Variants in A1BG observed in about 807,000 individuals in gnomAD.
The protein encoded by A1BG is alpha-1-B glycoprotein.
A1BG carries 44 observed loss-of-function variants against 46.0 expected under a neutral mutation model. The observed-to-expected ratio is 0.96, with a 90% CI of 0.75 to 1.23. The LOEUF (loss-of-function observed/expected upper bound fraction) is 1.23. Among genes scored for constraint, A1BG ranks in the 50% most tolerant of loss-of-function variants. The pLI, the probability that A1BG is intolerant of heterozygous loss-of-function variation, is 0.00. For synonymous variants in A1BG, 316 were observed against 314.7 expected, an observed-to-expected ratio of 1.00 and a Z score of -0.04; for missense variants, 707 against 688.8, an observed-to-expected ratio of 1.03 and a Z score of -0.30.
chr19:58,347,177 T>G (rs1206548394), intron 7 of A1BG, 148 bp from the exon 8 acceptor site: 3 of 1,332,944 alleles, frequency 2.3e-6, no homozygotes, highest in Non-Finnish European at 3.1e-6. Flanking sequence ...CGCCTCCAGC[T>G]GCAGGGCCTT....
chr19:58,348,144 G>A (rs1036473065), intron 6 of A1BG, among the ~76,000 whole-genome samples: 1 of 152,178 alleles, frequency 6.6e-6, no homozygotes, highest in East Asian at 1.9e-4. Context: ...CTGAGCTCAG[G>A]AGTTCCAGAC....
At position 58,353,168 on chromosome 19, in the gene A1BG, C is replaced by G. The variant is rs764990777; in HGVS notation, c.100G>C (p.Glu34Gln). The change falls in exon 3 of 8, where the codon GAG (glutamate) becomes CAG (glutamine). Residue 34 changes from glutamate (E) to glutamine (Q), a missense_variant. Physicochemically the swap from Glu to Gln is conservative, Grantham distance 29. Coordinates refer to ENST00000263100, the MANE Select transcript of A1BG (RefSeq NM_130786.4). ...FYETQPSLWA[E>Q]SESLLKPLAN... ...AAGGGTTTCAGCAGTGATTCGGACT[C>G]TGCCCACAGGCTGGGCTGCGTCTCA... is the stretch of plus-strand genomic sequence containing the variant. The G allele has an allele frequency of 1.2e-6, 2 of 1,614,108 alleles. No individual in the cohort carries two copies. Among genetic ancestry groups the G allele is most frequent in the South Asian group, 2.2e-5 (2 of 91,084 alleles).
chr19:58,353,044 G>A lies in A1BG; in HGVS notation c.224C>T (p.Pro75Leu), dbSNP rs908295145. The A allele has an allele frequency of 1.9e-6, 3 of 1,614,014 alleles. No homozygotes were observed. Among genetic ancestry groups the A allele is most frequent in the Non-Finnish European group, 2.5e-6 (3 of 1,180,022 alleles). The change falls in exon 3 of 8, where the codon CCT (proline) becomes CTT (leucine). Residue 75 changes from proline (P) to leucine (L), a missense_variant. Coordinates refer to ENST00000263100, the MANE Select transcript of A1BG (RefSeq NM_130786.4). ...VAQEPVHLDS[P>L]AIKHQFLLTG... is the part of the protein sequence containing the mutation. The stretch of plus-strand genomic sequence containing the variant: ...CAGCAGGAACTGGTGCTTGATGGCA[G>A]GTGAGTCAAGGTGCACAGGCTCCTG...
intron 3 of A1BG, 184 bp downstream of exon 3, chr19:58,352,744 C>T (rs143526670): frequency 7.1e-5 from 82 of 1,150,372 alleles, no homozygotes; most frequent in Admixed American, 3.3e-4. Context: ...GGGAGCTGTA[C>T]GGCATGCCGG....
Position 58,350,579 on chromosome 19 carries a change from G to A in A1BG, c.983C>T (p.Pro328Leu), listed in dbSNP as rs1215409842. 4 of 1,518,944 alleles carry A rather than the reference G, an allele frequency of 2.6e-6. No homozygotes were observed. In the African/African-American group the frequency reaches 5.7e-5, roughly 22 times the overall value. The allele number at this position is 1,518,944 out of a possible 1,614,324, so 94.1% of individuals were successfully genotyped here. A position where few individuals can be genotyped will look rare whatever the true frequency, so the allele number is the denominator to read the frequency against. ...GRALRLRCLA[P>L]LEGARFALVR... ...CAGGGCGAAGCGCGCGCCCTCCAGG[G>A]GCGCCAGGCACCGCAGCCGCAAGGC... The change falls in exon 6 of 8, where the codon CCC becomes CTC. Residue 328 changes from proline to leucine, a missense_variant. Coordinates refer to ENST00000263100, the MANE Select transcript of A1BG (RefSeq NM_130786.4).
In A1BG at chr19:58,346,670, G is replaced by C. The variant is rs188176488; in HGVS notation, c.*352C>G. 4.2e-4 allele frequency: 145 copies of C among 345,722 alleles called. No individual in the cohort carries two copies. The highest frequency in any genetic ancestry group is 6.6e-4 in the Non-Finnish European group (122 of 183,472). 21.4% of individuals were successfully genotyped at this position (345,722 alleles called of 1,614,324 possible). ...GGGAGGTCAAAACTGCAGTGAGCCG[G>C]ACTGCAACACTGCACTCCAGCCTGG... On this transcript the variant is annotated 3_prime_UTR_variant, in exon 8 of 8. Coordinates refer to ENST00000263100, the MANE Select transcript of A1BG (RefSeq NM_130786.4).
Position 58,347,548 on chromosome 19 carries a change from C to T in A1BG, c.1285G>A (p.Asp429Asn), listed in dbSNP as rs773719039. Residue 429 changes from aspartate to asparagine, a missense_variant, in exon 7 of 8, where the codon GAC becomes AAC. Asp to Asn is a conservative substitution (Grantham distance 23). Coordinates refer to ENST00000263100, the MANE Select transcript of A1BG (RefSeq NM_130786.4). ...AVLRCEGPIP[D>N]VTFELLREGE... ...TCGCGCAGCAGCTCGAAGGTGACGTCGGGGATGGGTCCCTCGCAGCGCAGG... is the reference window on the plus strand; with the variant it reads ...TCGCGCAGCAGCTCGAAGGTGACGTTGGGGATGGGTCCCTCGCAGCGCAGG... 3.0e-5 allele frequency: 47 copies of T among 1,567,798 alleles called. No homozygotes were observed. The highest frequency in any genetic ancestry group is 3.7e-5 in the Non-Finnish European group (43 of 1,159,804).
intron 5 of A1BG, chr19:58,351,118 T>A: frequency 1.8e-6 from 1 of 560,750 alleles, no homozygotes; most frequent in Non-Finnish European, 3.2e-6. Flanking sequence ...CCCTCAGTGC[T>A]CACCTAGACC....
chr19:58,350,216 C>A (rs781450733), intron 6 of A1BG, 154 bp downstream of exon 6: 13 of 1,010,632 alleles, frequency 1.3e-5, no homozygotes, highest in African/African-American at 1.7e-5. Flanking sequence ...AGACCCTCGA[C>A]CACCGATCGC....
rs2051969359 is a variant in A1BG, at chr19:58,352,433, C to T, written c.463G>A (p.Asp155Asn). 8 of 1,613,794 alleles carry T rather than the reference C, an allele frequency of 5.0e-6. No individual in the cohort carries two copies. The highest frequency in any genetic ancestry group is 6.8e-6 in the Non-Finnish European group (8 of 1,180,000). ...TCAGGCACCTCCAGAAACTCATGGTCGCCCTCCCGCCTCAGCAGAAAAGTC... is the reference window on the plus strand; with the variant it reads ...TCAGGCACCTCCAGAAACTCATGGTTGCCCTCCCGCCTCAGCAGAAAAGTC... ...GVTFLLRREG[D>N]HEFLEVPEAQ... is the part of the protein sequence containing the mutation. The change falls in exon 4 of 8, where the codon GAC becomes AAC. Residue 155 changes from aspartate (D) to asparagine (N), a missense_variant. Asp to Asn is a conservative substitution (Grantham distance 23). Transcript: ENST00000263100.
chr19:58,352,746 G>T (rs535470310), intron 3 of A1BG, 182 bp downstream of exon 3: 2 of 1,152,584 alleles, frequency 1.7e-6, no homozygotes, highest in African/African-American at 1.5e-5. Flanking sequence ...GAGCTGTACG[G>T]CATGCCGGGC....
In A1BG at chr19:58,345,869, C is replaced by T. The variant is rs2051910907; in HGVS notation, c.*1153G>A. 1 of 152,240 alleles carries T rather than the reference C, an allele frequency of 6.6e-6. No individual in the cohort carries two copies. Among genetic ancestry groups the T allele is most frequent in the Non-Finnish European group, 1.5e-5 (1 of 68,070 alleles). 9.4% of individuals were successfully genotyped at this position (152,240 alleles called of 1,614,324 possible). A position where few individuals can be genotyped will look rare whatever the true frequency, so the allele number is the denominator to read the frequency against. ...TTCGTTGAAAAACACAATTCATCAA[C>T]TATTGGTTGATAATACTGATACGCA... On this transcript the variant is annotated 3_prime_UTR_variant, in exon 8 of 8. Transcript: ENST00000263100.
rs1412983308 is a variant in A1BG at position 58,350,358 on chromosome 19, C to A, written c.1192+12G>T. On this transcript the variant is annotated intron_variant, in intron 6 of 7. Transcript: ENST00000263100. ...ACCCGCGCCCGCCCTCGCTGGTGCC[C>A]CGCCAGCTCACCGTCCACGTGCAGC... 2 of 1,531,216 alleles carry A rather than the reference C, an allele frequency of 1.3e-6. No homozygotes were observed. Among genetic ancestry groups the A allele is most frequent in the Admixed American group, 4.0e-5 (2 of 49,712 alleles). 94.9% of individuals were successfully genotyped at this position (1,531,216 alleles called of 1,614,324 possible).
chr19:58,352,125 C>T, intron 4 of A1BG, 158 bp downstream of exon 4: 1 of 1,477,028 alleles, frequency 6.8e-7, no homozygotes, highest in South Asian at 1.4e-5. Context: ...ATCCTCTGCC[C>T]AAACTCCTTT....
Position 58,346,508 on chromosome 19 carries a change from A to T in A1BG, c.*514T>A. On this transcript the variant is annotated 3_prime_UTR_variant, in exon 8 of 8. Transcript: ENST00000263100. ...GGAGGCTGAGGTGGGAGGATCACTT[A>T]AGGCCAGGAGTTCAAGACAAGCTTG... The T allele has an allele frequency of 4.9e-6, 1 of 203,732 alleles. No individual in the cohort carries two copies. The allele number at this position is 203,732 out of a possible 1,614,324, so 12.6% of individuals were successfully genotyped here. A position where few individuals can be genotyped will look rare whatever the true frequency, so the allele number is the denominator to read the frequency against.
chr19:58,352,587 T>G, intron 3 of A1BG, 32 bp from the exon 4 acceptor site: 1 of 1,594,492 alleles, frequency 6.3e-7, no homozygotes, highest in Non-Finnish European at 8.5e-7. Flanking sequence ...AGAGTGCTTC[T>G]GCATAACAGG....
chr19:58,350,584 C>T lies in A1BG; in HGVS notation c.978G>A (p.Leu326=), dbSNP rs1251095550. The part of the protein sequence containing the change: ...ESGRALRLRC[L]APLEGARFAL... ...CGAAGCGCGCGCCCTCCAGGGGCGC[C>T]AGGCACCGCAGCCGCAAGGCCCTGC... The change falls in exon 6 of 8, where the codon CTG becomes CTA. Residue 326 remains leucine, a synonymous_variant. Transcript: ENST00000263100. The T allele has an allele frequency of 5.3e-6, 8 of 1,508,940 alleles. No homozygotes were observed. Among genetic ancestry groups the T allele is most frequent in the Non-Finnish European group, 7.1e-6 (8 of 1,129,130 alleles). The allele number at this position is 1,508,940 out of a possible 1,614,324, so 93.5% of individuals were successfully genotyped here.
chr19:58,351,295 G>A, intron 5 of A1BG, 96 bp downstream of exon 5: 6 of 1,480,136 alleles, frequency 4.1e-6, no homozygotes, highest in Non-Finnish European at 5.5e-6. Context: ...TTGGACCCTG[G>A]CCCAGAGCAC....
chr19:58,352,767 CACA>C, intron 3 of A1BG, 158 bp downstream of exon 3: 1 of 1,234,196 alleles, frequency 8.1e-7, no homozygotes, highest in South Asian at 1.4e-5. Flanking sequence ...CTGCTGGGGA[CACA>C]ACCATGTATT....
Sources: gnomAD v4.1 joint callset for allele counts (sites outside exome capture counted in the v4.1 genomes callset) on GRCh38, gnomAD v4.1.1 for gene constraint, MANE v1.5 for transcripts, NCBI Gene and HGNC (gene_info 2026-07-23, HGNC 2026-07-21) for gene names.